The following TUSC3 variants were observed in gnomAD, a reference collection of about 807,000 sequenced individuals.
The protein encoded by TUSC3 is dolichyl-diphosphooligosaccharide--protein glycosyltransferase subunit TUSC3.
TUSC3 carries 45 observed loss-of-function variants against 44.8 expected under a neutral mutation model. That is an observed-to-expected ratio of 1.00 (90% confidence interval 0.79 to 1.29). The LOEUF (loss-of-function observed/expected upper bound fraction) is 1.29. TUSC3 is among the 50% of genes most tolerant of loss of function. TUSC3 has a pLI of 0.00. For synonymous variants in TUSC3, 212 were observed against 152.9 expected (o/e 1.39, Z -2.85); for missense variants, 519 against 437.9 (o/e 1.19, Z -1.65).
intron 9 of TUSC3, among the ~76,000 whole-genome samples, chr8:15,754,414 C>T (rs1811834392): frequency 6.6e-6 from 1 of 152,112 alleles, no homozygotes; most frequent in Admixed American, 6.6e-5. Flanking sequence ...CCAATTTTAA[C>T]ATGAATACAT....
At position 15,568,917 on chromosome 8, in the gene TUSC3, A is replaced by T. The variant is rs143970561; in HGVS notation, c.138+28349A>T. Among the ~76,000 whole-genome samples the T allele has an allele frequency of 1.9e-3, 294 of 151,452 alleles. 2 individuals are homozygous for T. The highest frequency in any genetic ancestry group is 3.2e-3 in the Non-Finnish European group (215 of 67,874). On this transcript the variant is annotated intron_variant, in intron 1 of 10. Transcript: ENST00000503731. ...ATATTTCATTCTAAGCTTTAACCTC[A>T]TGGTTTTCTGGCAAGGCACATTGGT...
intron 1 of TUSC3, among the ~76,000 whole-genome samples, chr8:15,590,371 G>A (rs1443955430): frequency 6.6e-6 from 1 of 152,050 alleles, no homozygotes; most frequent in Non-Finnish European, 1.5e-5. Flanking sequence ...CAAAACCCAA[G>A]CTTTAGGCCA....
Position 15,510,217 on chromosome 8 carries a change from G to C in TUSC3, n.189+26734G>C, listed in dbSNP as rs564023502. On this transcript the variant is annotated intron_variant and non_coding_transcript_variant, in intron 2 of 5. Transcript: ENST00000503191. ...GAAAAGCAAATTAAAGCCAAAAGAA[G>C]GAGAAAAATAGATACAATCAAAGTG... Among the ~76,000 whole-genome samples the C allele has an allele frequency of 1.7e-4, 26 of 151,832 alleles. 1 individual carries two copies. In the South Asian group the frequency reaches 5.0e-3, roughly 29 times the overall value.
the TUSC3 span, chr8:15,806,992 T>C: frequency 6.8e-7 from 1 of 1,461,896 alleles, no homozygotes; most frequent in Admixed American, 1.7e-5. Context: ...GATTCCATTC[T>C]TTACATTTTC....
At chr8:15,843,016 G>C in the TUSC3 span, among the ~76,000 whole-genome samples, 1 of 152,188 alleles carries the variant, frequency 6.6e-6, no homozygotes, top group South Asian at 2.1e-4. Flanking sequence ...CACAGCCTGA[G>C]AACATGAGTA....
chr8:15,432,344 C>G (rs1270160223), intron 1 of TUSC3, among the ~76,000 whole-genome samples: 1 of 152,036 alleles, frequency 6.6e-6, no homozygotes, highest in Non-Finnish European at 1.5e-5. Flanking sequence ...TTATCTGTAG[C>G]ATTTATTTTT....
At chr8:15,646,970 C>T (rs561547964) in intron 2 of TUSC3, among the ~76,000 whole-genome samples, 1 of 152,038 alleles carries the variant, frequency 6.6e-6, no homozygotes, top group East Asian at 1.9e-4. Context: ...TGTTCATTAC[C>T]TATGGCTGAT....
At chr8:15,640,477 A>G (rs967981031) in intron 2 of TUSC3, among the ~76,000 whole-genome samples, 1 of 152,222 alleles carries the variant, frequency 6.6e-6, no homozygotes, top group African/African-American at 2.4e-5. Flanking sequence ...CGCCCAACAC[A>G]CAACCTTTTA....
Position 15,540,274 on chromosome 8 carries a change from C to T in TUSC3, c.-157C>T, listed in dbSNP as rs967331066. 15 of 1,074,900 alleles carry T rather than the reference C, an allele frequency of 1.4e-5. No homozygotes were observed. The African/African-American group carries it at 2.2e-4, about 16-fold the overall frequency. The allele number at this position is 1,074,900 out of a possible 1,614,324, so 66.6% of individuals were successfully genotyped here. On this transcript the variant is annotated 5_prime_UTR_variant, in exon 1 of 11. Transcript: ENST00000503731. ...CCGGATGCTCTGTCAGTCTCCTCCTCTGCGTCCTCGGCCGCGGCCCGGGTC... is the reference window on the plus strand; with the variant it reads ...CCGGATGCTCTGTCAGTCTCCTCCTTTGCGTCCTCGGCCGCGGCCCGGGTC...
downstream of TUSC3, among the ~76,000 whole-genome samples, chr8:15,767,206 T>C (rs185082034): frequency 6.6e-6 from 1 of 152,234 alleles, no homozygotes; most frequent in African/African-American, 2.4e-5. Flanking sequence ...GAATTTTCGA[T>C]ATTCCTCTAT....
At chr8:15,713,919 G>T (rs2129200940) in intron 6 of TUSC3, among the ~76,000 whole-genome samples, 1 of 152,208 alleles carries the variant, frequency 6.6e-6, no homozygotes, top group Middle Eastern at 3.4e-3. Flanking sequence ...AAAATAATTG[G>T]TCACTTATTC....
chr8:15,678,752 A>C lies in TUSC3; in HGVS notation c.798+4916A>C, dbSNP rs571595409. 3.3e-5 allele frequency among the ~76,000 whole-genome samples: 5 copies of C among 152,232 alleles called. No individual in the cohort carries two copies. The South Asian group carries it at 1.0e-3, about 32-fold the overall frequency. On this transcript the variant is annotated intron_variant, in intron 6 of 10. Transcript: ENST00000503731. ...TTACTGAGGCCATCACACAGATAGG[A>C]ATTTTTTCAGCTTTTGGCCTCCTTC...
the TUSC3 span, among the ~76,000 whole-genome samples, chr8:15,829,764 T>C: frequency 6.6e-6 from 1 of 152,118 alleles, no homozygotes; most frequent in African/African-American, 2.4e-5. Flanking sequence ...ATTTAATTAA[T>C]TTAGAAGTTG....
chr8:15,504,132 GA>G (rs1801013131), intron 2 of TUSC3, among the ~76,000 whole-genome samples: 1 of 152,078 alleles, frequency 6.6e-6, no homozygotes, highest in African/African-American at 2.4e-5. Context: ...AGAAAGCCAT[GA>G]ATACAATAGG....
the TUSC3 span, among the ~76,000 whole-genome samples, chr8:15,777,975 A>G: frequency 6.6e-6 from 1 of 152,118 alleles, no homozygotes; most frequent in Non-Finnish European, 1.5e-5. Context: ...AAATAAAAAG[A>G]GCATTGAAAA....
intron 1 of TUSC3, among the ~76,000 whole-genome samples, chr8:15,459,651 A>G (rs991170055): frequency 8.6e-5 from 13 of 151,806 alleles, no homozygotes; most frequent in African/African-American, 2.9e-4. Flanking sequence ...TCCAAAATCC[A>G]TTGTATCATT....
At chr8:15,463,765 G>A (rs534409699) in intron 1 of TUSC3, among the ~76,000 whole-genome samples, 47 of 152,240 alleles carry the variant, frequency 3.1e-4, no homozygotes, top group Middle Eastern at 3.4e-3. Flanking sequence ...TCATCAGTTC[G>A]TCGCTTCTCT....
At chr8:15,780,040 C>T in the TUSC3 span, among the ~76,000 whole-genome samples, 1 of 152,158 alleles carries the variant, frequency 6.6e-6, no homozygotes, top group East Asian at 1.9e-4. Flanking sequence ...TTACACCAAA[C>T]TAGCAATGTG....
chr8:15,683,837 T>A (rs181757696), intron 6 of TUSC3, among the ~76,000 whole-genome samples: 9 of 152,170 alleles, frequency 5.9e-5, no homozygotes, highest in Non-Finnish European at 1.2e-4. Flanking sequence ...CTTGAAGGTT[T>A]GACTATGGTA....
Sources: gnomAD v4.1 joint callset for allele counts (sites outside exome capture counted in the v4.1 genomes callset) on GRCh38, gnomAD v4.1.1 for gene constraint, MANE v1.5 for transcripts, NCBI Gene and HGNC (gene_info 2026-07-23, HGNC 2026-07-21) for gene names.